The following ZFAND6 variants were observed in gnomAD, a reference collection of about 807,000 sequenced individuals.
ZFAND6 encodes zinc finger AN1-type containing 6, also known as AN1-type zinc finger protein 6.
ZFAND6 carries 12 observed loss-of-function variants against 24.5 expected under a neutral mutation model. The observed-to-expected ratio is 0.49, with a 90% confidence interval of 0.31 to 0.79. ZFAND6 has a LOEUF of 0.79. Ranked by LOEUF, ZFAND6 falls within the 30% of genes least tolerant of loss-of-function variation. The pLI is 0.04. For synonymous variants in ZFAND6, 92 were observed against 81.5 expected (o/e 1.13, Z -0.69); for missense variants, 207 against 245.9 (o/e 0.84, Z 1.06).
chr15:80,097,474 T>C (rs577791478), intron 1 of ZFAND6, among the ~76,000 whole-genome samples: 4 of 151,926 alleles, frequency 2.6e-5, no homozygotes, highest in Admixed American at 6.6e-5. Context: ...ATGGTGAAAC[T>C]CTGTTTCTAC....
At chr15:80,133,845 A>G (rs1208344323) in intron 6 of ZFAND6, among the ~76,000 whole-genome samples, 1 of 152,212 alleles carries the variant, frequency 6.6e-6, no homozygotes, top group East Asian at 1.9e-4. Context: ...GGAAAAAGAT[A>G]AACACCAGCT....
chr15:80,090,443 A>T (rs2038287971), intron 1 of ZFAND6, among the ~76,000 whole-genome samples: 2 of 152,208 alleles, frequency 1.3e-5, no homozygotes, highest in South Asian at 4.1e-4. Context: ...CATTCTAAAT[A>T]GTTACTACTA....
At chr15:80,130,384 G>A (rs552945378) in intron 5 of ZFAND6, 2 of 151,456 alleles carry the variant, frequency 1.3e-5, no homozygotes, top group East Asian at 3.9e-4. Flanking sequence ...GGATCCCTGG[G>A]GAAAGTCTAG....
Position 80,120,416 on chromosome 15 carries a change from T to C in ZFAND6, c.72T>C (p.Pro24=). 1 of 1,607,030 alleles carries C rather than the reference T, an allele frequency of 6.2e-7. No individual in the cohort carries two copies. Among genetic ancestry groups the C allele is most frequent in the Non-Finnish European group, 8.5e-7 (1 of 1,175,376 alleles). ...CTGGCTGTGGATTTTATGGAAACCC[T>C]CGTACAAATGGCATGTGTTCAGTAT... The part of the protein sequence containing the change: ...CSTGCGFYGN[P]RTNGMCSVCY... The change falls in exon 3 of 7, where the codon CCT becomes CCC. Residue 24 remains proline (P), a synonymous_variant. Coordinates refer to ENST00000261749, the MANE Select transcript of ZFAND6 (RefSeq NM_019006.4).
intron 4 of ZFAND6, 101 bp downstream of exon 4, chr15:80,121,921 A>G (rs572354913): frequency 1.3e-4 from 133 of 1,014,980 alleles, no homozygotes; most frequent in Admixed American, 1.2e-3. Context: ...CTACTTTTAG[A>G]TTAACTGGCC....
intron 1 of ZFAND6, among the ~76,000 whole-genome samples, chr15:80,088,681 C>T (rs1437124503): frequency 6.6e-6 from 1 of 152,176 alleles, no homozygotes; most frequent in African/African-American, 2.4e-5. Context: ...TTTACAAATA[C>T]CTGTATCTTC....
chr15:80,092,190 G>GA lies in ZFAND6; in HGVS notation c.-180-6216dup, dbSNP rs893045827. Among the ~76,000 whole-genome samples the GA allele has an allele frequency of 2.7e-3, 409 of 148,780 alleles. 4 individuals are homozygous for GA. Among genetic ancestry groups the GA allele is most frequent in the African/African-American group, 8.9e-3 (360 of 40,664 alleles). ...AAAAATTTGGTTTGTTGGTGGTTGGGAAAAAAAAAATCAACTGGCCAGCAT... is the reference window on the plus strand; with the variant it reads ...AAAAATTTGGTTTGTTGGTGGTTGGGAAAAAAAAAAATCAACTGGCCAGCAT... On this transcript the variant is annotated intron_variant, in intron 1 of 6. Transcript: ENST00000261749.
chr15:80,131,011 T>C lies in ZFAND6; in HGVS notation c.365-169T>C. On this transcript the variant is annotated intron_variant, in intron 5 of 6. Transcript: ENST00000261749. ...TTTCTACATGCATATATACATACAT[T>C]TAACAAAAAGGGGTCATATTTTTGT... 2.3e-5 allele frequency: 11 copies of C among 485,406 alleles called. No individual in the cohort carries two copies. The East Asian group carries it at 3.3e-4, about 14-fold the overall frequency. 30.1% of individuals were successfully genotyped at this position (485,406 alleles called of 1,614,324 possible).
intron 1 of ZFAND6, among the ~76,000 whole-genome samples, chr15:80,076,609 C>A (rs536269319): frequency 2.6e-4 from 39 of 152,260 alleles, no homozygotes; most frequent in Non-Finnish European, 5.0e-4. Flanking sequence ...ATGGTCCCCA[C>A]GCTAAGTACT....
intron 1 of ZFAND6, among the ~76,000 whole-genome samples, chr15:80,087,089 G>T (rs1025236948): frequency 6.6e-5 from 10 of 152,158 alleles, no homozygotes; most frequent in Non-Finnish European, 1.2e-4. Flanking sequence ...CTGCTTTTAT[G>T]CTTTGTCTGT....
chr15:80,093,900 G>A (rs915191305), intron 1 of ZFAND6, among the ~76,000 whole-genome samples: 2 of 152,216 alleles, frequency 1.3e-5, no homozygotes, highest in South Asian at 2.1e-4. Context: ...AGATTGGGAG[G>A]AGGTAGACAT....
chr15:80,104,245 G>A lies in ZFAND6; in HGVS notation c.-18+5667G>A, dbSNP rs184606525. ...ATTAGAACTAAATAGCCAGAGGCTG[G>A]GTGGGCGGTTCACGCCTTATAATCC... On this transcript the variant is annotated intron_variant, in intron 2 of 6. Transcript: ENST00000261749. Among the ~76,000 whole-genome samples the A allele has an allele frequency of 5.3e-3, 800 of 152,304 alleles. 29 individuals are homozygous for A. The highest frequency in any genetic ancestry group is 1.1e-3 in the Non-Finnish European group (73 of 68,026).
chr15:80,107,898 C>T (rs2039419845), intron 2 of ZFAND6, among the ~76,000 whole-genome samples: 1 of 151,894 alleles, frequency 6.6e-6, no homozygotes, highest in Non-Finnish European at 1.5e-5. Flanking sequence ...GGAAGGACCT[C>T]TGAAAGGATC....
intron 1 of ZFAND6, among the ~76,000 whole-genome samples, chr15:80,072,356 T>C (rs1179422897): frequency 6.6e-6 from 1 of 152,126 alleles, no homozygotes; most frequent in Non-Finnish European, 1.5e-5. Flanking sequence ...GCAAACAGTA[T>C]ATGATGGGAA....
chr15:80,100,475 T>C (rs1431557059), intron 2 of ZFAND6, among the ~76,000 whole-genome samples: 1 of 150,784 alleles, frequency 6.6e-6, no homozygotes, highest in Non-Finnish European at 1.5e-5. Context: ...CCCAAATTTC[T>C]TTTTATCTCT....
At chr15:80,080,577 G>A (rs1207677097) in intron 1 of ZFAND6, among the ~76,000 whole-genome samples, 1 of 152,076 alleles carries the variant, frequency 6.6e-6, no homozygotes, top group Non-Finnish European at 1.5e-5. Context: ...TCAGGCTGTG[G>A]TTGATCTCAG....
intron 1 of ZFAND6, among the ~76,000 whole-genome samples, chr15:80,087,122 AT>A (rs1480363000): frequency 6.6e-6 from 1 of 152,186 alleles, no homozygotes; most frequent in Non-Finnish European, 1.5e-5. Context: ...CACTGTGAAC[AT>A]TTGCGTACAA....
At chr15:80,076,801 A>G (rs1315158590) in intron 1 of ZFAND6, among the ~76,000 whole-genome samples, 1 of 151,952 alleles carries the variant, frequency 6.6e-6, no homozygotes, top group African/African-American at 2.4e-5. Context: ...TTTCCCTCAC[A>G]TCATTCCACT....
At chr15:80,128,317 G>A (rs1443366054) in intron 5 of ZFAND6, among the ~76,000 whole-genome samples, 1 of 152,150 alleles carries the variant, frequency 6.6e-6, no homozygotes, top group East Asian at 1.9e-4. Context: ...GAATTTTATG[G>A]TATGTGAAAT....
Sources: gnomAD v4.1 joint callset for allele counts (sites outside exome capture counted in the v4.1 genomes callset) on GRCh38, gnomAD v4.1.1 for gene constraint, MANE v1.5 for transcripts, NCBI Gene and HGNC (gene_info 2026-07-23, HGNC 2026-07-21) for gene names.